Variants in SDK1 observed in about 807,000 individuals in gnomAD.
SDK1 encodes the protein sidekick cell adhesion molecule 1, also known as protein sidekick-1.
Under a neutral mutation model 245.5 loss-of-function variants are expected in SDK1, and 157 were observed. That is an observed-to-expected ratio of 0.64 (90% CI 0.56 to 0.73). SDK1 has a LOEUF of 0.73. SDK1 is among the 30% of genes least tolerant of loss of function. SDK1 has a pLI of 0.00. For synonymous variants in SDK1, 1,647 were observed against 1,278.5 expected, an observed-to-expected ratio of 1.29 and a Z score of -6.15; for missense variants, 3,583 against 3,002.3, an observed-to-expected ratio of 1.19 and a Z score of -4.52.
At chr7:3,532,767 G>T (rs867709357) in intron 1 of SDK1, among the ~76,000 whole-genome samples, 2 of 152,164 alleles carry the variant, frequency 1.3e-5, no homozygotes, top group Admixed American at 1.3e-4. Context: ...CATTCGAAGG[G>T]TGACTAAAGC....
chr7:3,719,618 A>G (rs1229043983), intron 4 of SDK1, among the ~76,000 whole-genome samples: 2 of 152,192 alleles, frequency 1.3e-5, no homozygotes, highest in African/African-American at 4.8e-5. Flanking sequence ...CCTTGACCTA[A>G]AGTTCATATT....
At chr7:3,642,571 T>G (rs1328133676) in intron 4 of SDK1, among the ~76,000 whole-genome samples, 2 of 152,230 alleles carry the variant, frequency 1.3e-5, no homozygotes, top group Non-Finnish European at 2.9e-5. Context: ...CTCTTTATCC[T>G]TTTATCCTAC....
chr7:3,511,289 T>C (rs1157114069), intron 1 of SDK1, among the ~76,000 whole-genome samples: 1 of 152,220 alleles, frequency 6.6e-6, no homozygotes, highest in Non-Finnish European at 1.5e-5. Flanking sequence ...TTTGCTTTCT[T>C]TTTAGATGCA....
At chr7:4,104,015 C>T (rs1039043789) in intron 22 of SDK1, among the ~76,000 whole-genome samples, 9 of 152,244 alleles carry the variant, frequency 5.9e-5, no homozygotes, top group African/African-American at 1.9e-4. Flanking sequence ...GGAAGTGGGC[C>T]AGATTCGGCC....
At chr7:3,615,043 A>G (rs1031268712) in intron 1 of SDK1, among the ~76,000 whole-genome samples, 8 of 151,694 alleles carry the variant, frequency 5.3e-5, no homozygotes, top group Non-Finnish European at 4.4e-5. Context: ...TCCGTTGTAT[A>G]CTATATTAAA....
intron 29 of SDK1, among the ~76,000 whole-genome samples, chr7:4,147,953 G>A (rs58004474): frequency 0.054 from 8,160 of 152,048 alleles, 482 homozygotes; most frequent in African/African-American, 0.14. Flanking sequence ...ATTTCCCCGT[G>A]TCCTGCCCCA....
intron 4 of SDK1, among the ~76,000 whole-genome samples, chr7:3,808,912 G>T (rs117306968): frequency 0.031 from 4,770 of 152,274 alleles, 119 homozygotes; most frequent in Middle Eastern, 0.051. Context: ...ATTGTTGATG[G>T]TGTTTGTGCG....
intron 1 of SDK1, among the ~76,000 whole-genome samples, chr7:3,553,468 A>C (rs945636406): frequency 7.2e-5 from 11 of 152,182 alleles, no homozygotes; most frequent in Non-Finnish European, 1.3e-4. Flanking sequence ...TTTGGGGCCC[A>C]GGACTAAAGG....
intron 4 of SDK1, among the ~76,000 whole-genome samples, chr7:3,715,896 T>G (rs1199782427): frequency 2.0e-5 from 3 of 152,124 alleles, no homozygotes; most frequent in African/African-American, 7.2e-5. Flanking sequence ...CAGCAAACTA[T>G]TCATTCTCCT....
chr7:4,237,570 A>G, intron 41 of SDK1, 77 bp from the exon 42 acceptor site: 4 of 1,562,242 alleles, frequency 2.6e-6, no homozygotes, highest in Non-Finnish European at 3.5e-6. Context: ...CTTCCCTGCC[A>G]ACCACCTGAC....
intron 5 of SDK1, among the ~76,000 whole-genome samples, chr7:3,902,772 C>T (rs1316160612): frequency 6.6e-6 from 1 of 152,188 alleles, no homozygotes; most frequent in Non-Finnish European, 1.5e-5. Flanking sequence ...GAGCTGTTTT[C>T]AAAGTTCCTG....
intron 35 of SDK1, among the ~76,000 whole-genome samples, chr7:4,189,613 G>A (rs1783076239): frequency 6.6e-6 from 1 of 152,174 alleles, no homozygotes; most frequent in Non-Finnish European, 1.5e-5. Context: ...ACTTTGAGAG[G>A]CCAAGGCGGG....
At chr7:3,528,817 G>T (rs984959312) in intron 1 of SDK1, among the ~76,000 whole-genome samples, 1 of 151,982 alleles carries the variant, frequency 6.6e-6, no homozygotes, top group Non-Finnish European at 1.5e-5. Context: ...AAAAGTGGAA[G>T]ACTCAGAGAG....
chr7:4,093,536 CTG>C (rs1404458929), intron 22 of SDK1, among the ~76,000 whole-genome samples: 5 of 143,856 alleles, frequency 3.5e-5, no homozygotes, highest in Admixed American at 7.1e-5. Flanking sequence ...TTAGAAGAAA[CTG>C]TTTTAGAAAG....
intron 2 of SDK1, among the ~76,000 whole-genome samples, chr7:3,630,159 A>T (rs1782246016): frequency 6.6e-6 from 1 of 152,202 alleles, no homozygotes; most frequent in African/African-American, 2.4e-5. Flanking sequence ...GGCCTAATAG[A>T]TGTGTAGTTG....
intron 1 of SDK1, among the ~76,000 whole-genome samples, chr7:3,578,722 T>A (rs1363998757): frequency 6.6e-6 from 1 of 151,938 alleles, no homozygotes; most frequent in East Asian, 1.9e-4. Flanking sequence ...ATAGGCTCTC[T>A]GCAGGAAGAC....
At chr7:3,764,427 T>A (rs761933035) in intron 4 of SDK1, among the ~76,000 whole-genome samples, 7 of 152,214 alleles carry the variant, frequency 4.6e-5, no homozygotes, top group Non-Finnish European at 8.8e-5. Flanking sequence ...GACTCATGCC[T>A]GTAATCCCAA....
intron 26 of SDK1, 117 bp from the exon 27 acceptor site, chr7:4,129,791 T>C: frequency 2.0e-6 from 3 of 1,535,490 alleles, no homozygotes; most frequent in Admixed American, 1.9e-5. Context: ...ACAGCCATCC[T>C]CAGGGAGAAA....
chr7:3,461,246 C>G (rs899109017), intron 1 of SDK1, among the ~76,000 whole-genome samples: 9 of 152,154 alleles, frequency 5.9e-5, no homozygotes, highest in Non-Finnish European at 1.0e-4. Flanking sequence ...TCTCTTGATT[C>G]CTGTCCATTT....
Sources: allele counts gnomAD v4.1 joint callset (sites outside exome capture counted in the v4.1 genomes callset), GRCh38; gene constraint gnomAD v4.1.1; transcripts MANE v1.5; gene names NCBI Gene and HGNC (gene_info 2026-07-23, HGNC 2026-07-21).